The following INSC variants were observed in gnomAD, a reference collection of about 807,000 sequenced individuals.
INSC encodes protein inscuteable homolog.
Under a neutral mutation model 58.6 loss-of-function variants are expected in INSC, and 67 were observed. The observed-to-expected ratio is 1.14, with a 90% CI of 0.94 to 1.40. INSC has a LOEUF of 1.40. INSC is among the 40% of genes most tolerant of loss of function. The pLI, the probability that INSC is intolerant of heterozygous loss-of-function variation, is 0.00. For missense variants in INSC, 714 were observed against 692.0 expected (o/e 1.03, Z -0.36); for synonymous variants, 262 against 276.1 (o/e 0.95, Z 0.51).
intron 1 of INSC, among the ~76,000 whole-genome samples, chr11:15,135,909 T>C (rs1848233943): frequency 6.6e-6 from 1 of 152,172 alleles, no homozygotes; most frequent in Non-Finnish European, 1.5e-5. Flanking sequence ...TCTTCTCCCA[T>C]GGTGATGCCT....
chr11:15,249,640 A>T (rs1023215255), downstream of INSC, among the ~76,000 whole-genome samples: 31 of 152,202 alleles, frequency 2.0e-4, no homozygotes, highest in African/African-American at 7.0e-4. Flanking sequence ...GGAGGTCCAT[A>T]AAGAGAGGAG....
chr11:15,253,980 C>A, the INSC span, among the ~76,000 whole-genome samples: 1 of 152,198 alleles, frequency 6.6e-6, no homozygotes, highest in African/African-American at 2.4e-5. Flanking sequence ...TTGAAGGAGC[C>A]TTTCCTCAGC....
At chr11:15,133,893 G>A (rs1325843903) in intron 1 of INSC, among the ~76,000 whole-genome samples, 1 of 152,190 alleles carries the variant, frequency 6.6e-6, no homozygotes, top group Non-Finnish European at 1.5e-5. Flanking sequence ...AGTATTTAAA[G>A]TATCTGGGCT....
At chr11:15,245,677 T>G (rs1307010878) in intron 12 of INSC, among the ~76,000 whole-genome samples, 1 of 152,196 alleles carries the variant, frequency 6.6e-6, no homozygotes, top group Non-Finnish European at 1.5e-5. Flanking sequence ...TCAGATGACA[T>G]CTATCTTAGT....
In INSC at chr11:15,190,717, T is replaced by C. The variant is rs1402242479; in HGVS notation, c.596T>C (p.Ile199Thr). The C allele has an allele frequency of 6.2e-7, 1 of 1,612,728 alleles. No individual in the cohort carries two copies. The highest frequency in any genetic ancestry group is 8.5e-7 in the Non-Finnish European group (1 of 1,179,388). Reference protein sequence around the residue: ...TREVQALVRKIDASDNIYTTE... With the variant: ...TREVQALVRKTDASDNIYTTE... ...TCTTCTTAGGCACTGGTGAGAAAAA[T>C]TGATGCCTCAGACAATATCTACACC... Residue 199 changes from isoleucine to threonine, a missense_variant, in exon 6 of 13, where the codon ATT (isoleucine) becomes ACT (threonine). Physicochemically the swap from Ile to Thr is moderately conservative, Grantham distance 89. Transcript: ENST00000379556.
intron 1 of INSC, among the ~76,000 whole-genome samples, chr11:15,148,389 G>A (rs565768406): frequency 3.9e-5 from 6 of 152,296 alleles, no homozygotes; most frequent in South Asian, 2.1e-4. Context: ...AGTGCTGCTC[G>A]TGATTGCAAG....
chr11:15,263,047 C>T, the INSC span, among the ~76,000 whole-genome samples: 1 of 152,030 alleles, frequency 6.6e-6, no homozygotes. Context: ...AACAACGAAA[C>T]TTCTAAAGTT....
intron 7 of INSC, among the ~76,000 whole-genome samples, chr11:15,207,031 C>T (rs1850829616): frequency 6.6e-6 from 1 of 152,122 alleles, no homozygotes; most frequent in Admixed American, 6.5e-5. Flanking sequence ...CAGGGCACTG[C>T]TGGTTCAGGG....
At chr11:15,202,563 A>C (rs1850635008) in intron 7 of INSC, among the ~76,000 whole-genome samples, 1 of 152,186 alleles carries the variant, frequency 6.6e-6, no homozygotes, top group African/African-American at 2.4e-5. Context: ...TCACGTTCTG[A>C]ATAATTCCCT....
At chr11:15,201,133 A>T (rs1850575126) in intron 7 of INSC, among the ~76,000 whole-genome samples, 184 bp downstream of exon 7, 1 of 151,944 alleles carries the variant, frequency 6.6e-6, no homozygotes, top group Admixed American at 6.6e-5. Context: ...GGTGAAGGAG[A>T]TGGGGACTGA....
At chr11:15,233,777 GTT>G (rs988847640) in intron 9 of INSC, among the ~76,000 whole-genome samples, 3 of 151,870 alleles carry the variant, frequency 2.0e-5, no homozygotes, top group African/African-American at 7.3e-5. Context: ...TCAAGTAAGT[GTT>G]TTTATTCAGA....
rs751920256 is a variant in INSC, at chr11:15,245,904, C to T, written c.1471-8C>T. On this transcript the variant is annotated splice_polypyrimidine_tract_variant and splice_region_variant and intron_variant, in intron 12 of 12. Transcript: ENST00000379556. ...TGACACGTGTCACCTCTTCTGTCTT[C>T]TCCCCAGGCTGCTCTGCGTAGATTG... 3.8e-5 allele frequency: 62 copies of T among 1,613,146 alleles called. No individual in the cohort carries two copies. Among genetic ancestry groups the T allele is most frequent in the Non-Finnish European group, 5.2e-5 (61 of 1,179,380 alleles).
chr11:15,143,469 C>A (rs1054318961), intron 1 of INSC, among the ~76,000 whole-genome samples: 2 of 151,938 alleles, frequency 1.3e-5, no homozygotes, highest in African/African-American at 4.8e-5. Context: ...CAGCAGCTGG[C>A]GTGGCTGCAA....
chr11:15,177,327 A>G (rs1849607632), intron 4 of INSC, among the ~76,000 whole-genome samples, 164 bp downstream of exon 4: 1 of 152,058 alleles, frequency 6.6e-6, no homozygotes, highest in African/African-American at 2.4e-5. Context: ...ATTCTCTTGA[A>G]ATTTTCTGCC....
In INSC at chr11:15,149,179, T is replaced by C. The variant is rs1256504723; in HGVS notation, c.5T>C (p.Met2Thr). 4 of 1,611,332 alleles carry C rather than the reference T, an allele frequency of 2.5e-6. No individual in the cohort carries two copies. Among genetic ancestry groups the C allele is most frequent in the East Asian group, 4.5e-5 (2 of 44,602 alleles). The part of the protein sequence containing the change: M[M>T]ALPGGRHLDS... ...TTGCTGCAGATTGGGATCAACATGA[T>C]GGCACTGCCTGGAGGTCGCCACCTG... is the stretch of plus-strand genomic sequence containing the variant. Residue 2 changes from methionine to threonine, a missense_variant, in exon 2 of 13, where the codon ATG becomes ACG. Physicochemically the swap from Met to Thr is moderately conservative, Grantham distance 81. Transcript: ENST00000379556.
At chr11:15,112,449 G>T, upstream of INSC, 1 of 1,582,836 alleles carries the variant, frequency 6.3e-7, no homozygotes, top group Non-Finnish European at 8.6e-7. Flanking sequence ...ACTTGGAGTC[G>T]CTGCAGCCAA....
rs369566635 is a variant in INSC at position 15,190,779 on chromosome 11, C to A, written c.658C>A (p.Gln220Lys). 1 of 1,613,728 alleles carries A rather than the reference C, an allele frequency of 6.2e-7. No homozygotes were observed. Among genetic ancestry groups the A allele is most frequent in the South Asian group, 1.1e-5 (1 of 91,074 alleles). The change falls in exon 6 of 13, where the codon CAG becomes AAG. Residue 220 changes from glutamine (Q) to lysine (K), a missense_variant. Gln to Lys is a moderately conservative substitution (Grantham distance 53). Transcript: ENST00000379556. ...STTGNLFSLTQEGAPLCRIIA... is the reference protein window; with the variant it reads ...STTGNLFSLTKEGAPLCRIIA... ...CACAGGGAACCTGTTCAGCCTGACCCAGGAGGGGGCTCCCTTGTGCCGCAT... is the reference window on the plus strand; with the variant it reads ...CACAGGGAACCTGTTCAGCCTGACCAAGGAGGGGGCTCCCTTGTGCCGCAT...
At chr11:15,160,999 A>G (rs1186168490) in intron 2 of INSC, among the ~76,000 whole-genome samples, 2 of 152,214 alleles carry the variant, frequency 1.3e-5, no homozygotes, top group African/African-American at 4.8e-5. Context: ...CAAGTTCTTG[A>G]TAAGTGCCTG....
the INSC span, among the ~76,000 whole-genome samples, chr11:15,263,374 T>C: frequency 1.3e-5 from 2 of 152,114 alleles, no homozygotes; most frequent in African/African-American, 4.8e-5. Context: ...CTGTGATGAT[T>C]TGATGATTTC....
Sources: allele counts gnomAD v4.1 joint callset (sites outside exome capture counted in the v4.1 genomes callset), GRCh38; gene constraint gnomAD v4.1.1; transcripts MANE v1.5; gene names NCBI Gene and HGNC (gene_info 2026-07-23, HGNC 2026-07-21).